UGT2A3: variants seen among roughly 807,000 people sequenced by gnomAD.
UGT2A3 encodes UDP-glucuronosyltransferase 2A3.
UGT2A3 carries 55 observed loss-of-function variants against 44.1 expected under a neutral mutation model. That is an observed-to-expected ratio of 1.25 (90% CI 1.00 to 1.56). UGT2A3 has a LOEUF of 1.56. Among genes scored for constraint, UGT2A3 ranks in the 40% most tolerant of loss-of-function variants. The pLI is 0.00. For synonymous variants in UGT2A3, 243 were observed against 215.1 expected (o/e 1.13, Z -1.13); for missense variants, 733 against 621.6 (o/e 1.18, Z -1.91).
intron 2 of UGT2A3, among the ~76,000 whole-genome samples, chr4:68,943,775 C>T (rs947520247): frequency 1.3e-5 from 2 of 151,710 alleles, no homozygotes; most frequent in Admixed American, 6.6e-5. Context: ...CCCTATAGGA[C>T]AACTAGATAC....
Position 68,950,961 on chromosome 4 carries a change from A to T in UGT2A3, c.715+85T>A. 3.2e-6 allele frequency: 3 copies of T among 930,362 alleles called. No individual in the cohort carries two copies. In the South Asian group the frequency reaches 6.6e-5, roughly 20 times the overall value. 57.6% of individuals were successfully genotyped at this position (930,362 alleles called of 1,614,324 possible). ...TTTCTAAAAAAACTCATTGACCTGC[A>T]TATATATGTCATAGACAATGTATGA... On this transcript the variant is annotated intron_variant, in intron 1 of 5. Coordinates refer to ENST00000251566, the MANE Select transcript of UGT2A3 (RefSeq NM_024743.4).
chr4:68,936,820 T>C (rs1478162233), intron 2 of UGT2A3, among the ~76,000 whole-genome samples: 1 of 137,108 alleles, frequency 7.3e-6, no homozygotes, highest in Non-Finnish European at 1.5e-5. Flanking sequence ...GGGACCCATC[T>C]CACATACAGA....
In UGT2A3 at chr4:68,951,326, T is replaced by A; in HGVS notation, c.435A>T (p.Val145=). Residue 145 remains valine, a synonymous_variant, in exon 1 of 6, where the codon GTA becomes GTT. Transcript: ENST00000251566. The part of the protein sequence containing the change: ...MKKLQETNYD[V]MLIDPVIPCG... The stretch of plus-strand genomic sequence containing the variant: ...AGGGAATCACAGGGTCTATAAGCAT[T>A]ACATCGTAGTTGGTTTCCTGTAGCT... 1 of 1,612,666 alleles carries A rather than the reference T, an allele frequency of 6.2e-7. No individual in the cohort carries two copies. The highest frequency in any genetic ancestry group is 1.7e-4 in the Middle Eastern group (1 of 6,046).
intron 2 of UGT2A3, among the ~76,000 whole-genome samples, chr4:68,933,023 C>T (rs374198916): frequency 6.6e-6 from 1 of 151,966 alleles, no homozygotes; most frequent in East Asian, 1.9e-4. Flanking sequence ...GAGTACATCT[C>T]TTTTCATGTC....
chr4:68,949,027 C>T (rs563033553), intron 1 of UGT2A3, among the ~76,000 whole-genome samples: 1 of 151,814 alleles, frequency 6.6e-6, no homozygotes, highest in South Asian at 2.1e-4. Flanking sequence ...ATGTTCCTGG[C>T]TCTTTTTAAT....
Position 68,930,086 on chromosome 4 carries a change from T to A in UGT2A3, c.1311A>T (p.Lys437Asn), listed in dbSNP as rs1370129067. The A allele has an allele frequency of 1.4e-5, 22 of 1,604,078 alleles. No individual in the cohort carries two copies. In the Admixed American group the frequency reaches 3.7e-4, roughly 27 times the overall value. Residue 437 changes from lysine (K) to asparagine (N), a missense_variant, in exon 6 of 6, where the codon AAA becomes AAT. Physicochemically the swap from Lys to Asn is moderately conservative, Grantham distance 94. Transcript: ENST00000251566. ...TTCTTGATAATCTCATAGCATTCTC[T>A]TTATAACTGGAAGGGAAAAACACAC... is the stretch of plus-strand genomic sequence containing the variant. Reference protein sequence around the residue: ...LRTVITDSSYKENAMRLSRIH... With the variant: ...LRTVITDSSYNENAMRLSRIH...
intron 1 of UGT2A3, among the ~76,000 whole-genome samples, chr4:68,950,378 T>C (rs1042965072): frequency 6.6e-6 from 1 of 151,918 alleles, no homozygotes; most frequent in Admixed American, 6.6e-5. Context: ...TGTTTCTACA[T>C]AATTCTCAAA....
intron 2 of UGT2A3, among the ~76,000 whole-genome samples, chr4:68,941,678 G>A (rs1361747640): frequency 6.6e-6 from 1 of 151,804 alleles, no homozygotes; most frequent in East Asian, 1.9e-4. Context: ...AGAAAATGAA[G>A]CAAACAACAG....
At position 68,930,784 on chromosome 4, in the gene UGT2A3, G is replaced by T; in HGVS notation, c.1085-19C>A. On this transcript the variant is annotated intron_variant, in intron 4 of 5. Transcript: ENST00000251566. ...GGATGACCTAGTATGTAAATTGGAT[G>T]AGAAATGGTGAGATATTTTATTCTA... The T allele has an allele frequency of 6.6e-7, 1 of 1,522,672 alleles. No individual in the cohort carries two copies. The highest frequency in any genetic ancestry group is 1.3e-5 in the South Asian group (1 of 78,752). 94.3% of individuals were successfully genotyped at this position (1,522,672 alleles called of 1,614,324 possible). A position where few individuals can be genotyped will look rare whatever the true frequency, so the allele number is the denominator to read the frequency against.
At chr4:68,949,753 C>T (rs1199671780) in intron 1 of UGT2A3, among the ~76,000 whole-genome samples, 1 of 151,828 alleles carries the variant, frequency 6.6e-6, no homozygotes, top group Non-Finnish European at 1.5e-5. Context: ...ACTGATATCC[C>T]TTTTCCTATA....
At chr4:68,934,049 T>TAA (rs11462731) in intron 2 of UGT2A3, among the ~76,000 whole-genome samples, 5 of 151,198 alleles carry the variant, frequency 3.3e-5, no homozygotes, top group Admixed American at 1.3e-4. Context: ...CAAGTATTGT[T>TAA]AAAAAAAAAC....
chr4:68,931,199 G>T lies in UGT2A3; in HGVS notation c.1040C>A (p.Ala347Asp), dbSNP rs1717722919. The change falls in exon 4 of 6, where the codon GCC becomes GAC. Residue 347 changes from alanine to aspartate, a missense_variant. Physicochemically the swap from Ala to Asp is moderately radical, Grantham distance 126. Coordinates refer to ENST00000251566, the MANE Select transcript of UGT2A3 (RefSeq NM_024743.4). ...TATCCAATCATACAGCCGAGTATTG[G>T]CTCCTAATGTGGATGGTTTTTTTCC... The part of the protein sequence containing the change: ...YKGKKPSTLG[A>D]NTRLYDWIPQ... The T allele has an allele frequency of 3.7e-6, 6 of 1,612,932 alleles. No homozygotes were observed. The highest frequency in any genetic ancestry group is 5.1e-6 in the Non-Finnish European group (6 of 1,179,358).
At chr4:68,940,225 GT>G (rs1718133915) in intron 2 of UGT2A3, among the ~76,000 whole-genome samples, 1 of 152,056 alleles carries the variant, frequency 6.6e-6, no homozygotes, top group Non-Finnish European at 1.5e-5. Flanking sequence ...AGTAAATCAT[GT>G]TGCTATAAAG....
intron 2 of UGT2A3, chr4:68,943,437 C>G (rs1487324249): frequency 1.5e-5 from 11 of 730,658 alleles, no homozygotes; most frequent in Non-Finnish European, 2.0e-5. Context: ...CAATACACAT[C>G]TTACTATAAA....
chr4:68,939,882 G>A (rs1011745106), intron 2 of UGT2A3, among the ~76,000 whole-genome samples: 3 of 152,106 alleles, frequency 2.0e-5, no homozygotes, highest in Admixed American at 2.0e-4. Context: ...TGAAAAGTGG[G>A]CAAAGGATAT....
At chr4:68,946,681 A>G (rs547526428) in intron 1 of UGT2A3, among the ~76,000 whole-genome samples, 169 of 151,830 alleles carry the variant, frequency 1.1e-3, no homozygotes, top group Non-Finnish European at 2.0e-3. Flanking sequence ...GATCAAAGGA[A>G]AGAAAATTAA....
intron 1 of UGT2A3, among the ~76,000 whole-genome samples, chr4:68,946,954 A>G (rs1718405463): frequency 6.6e-6 from 1 of 151,748 alleles, no homozygotes; most frequent in Non-Finnish European, 1.5e-5. Context: ...TGCTAATAAT[A>G]AGCTGAGTCT....
rs377670055 is a variant in UGT2A3 at position 68,945,323 on chromosome 4, C to A, written c.847G>T (p.Ala283Ser). ...EFVGGLHCKP[A>S]KALPKEMENF... Reference sequence around the variant, plus strand: ...AGTCCTACCTTAGGCAAAGCTTTGGCAGGTTTACAGTGCAATCCTCCAACA... The same window carrying A: ...AGTCCTACCTTAGGCAAAGCTTTGGAAGGTTTACAGTGCAATCCTCCAACA... Residue 283 changes from alanine to serine, a missense_variant, in exon 2 of 6, where the codon GCC becomes TCC. Transcript: ENST00000251566. 52 of 1,611,098 alleles carry A rather than the reference C, an allele frequency of 3.2e-5. No homozygotes were observed. Among genetic ancestry groups the A allele is most frequent in the Non-Finnish European group, 3.7e-5 (44 of 1,178,338 alleles).
At chr4:68,950,365 T>C (rs1490880911) in intron 1 of UGT2A3, among the ~76,000 whole-genome samples, 1 of 151,942 alleles carries the variant, frequency 6.6e-6, no homozygotes, top group East Asian at 1.9e-4. Context: ...GTACCTTTTT[T>C]CATGTTTCTA....
Sources: allele counts gnomAD v4.1 joint callset (sites outside exome capture counted in the v4.1 genomes callset), GRCh38; gene constraint gnomAD v4.1.1; transcripts MANE v1.5; gene names NCBI Gene and HGNC (gene_info 2026-07-23, HGNC 2026-07-21).